RANBP2: variants seen among roughly 807,000 people sequenced by gnomAD.
RANBP2 encodes the protein RAN binding protein 2.
Under a neutral mutation model 303.6 loss-of-function variants are expected in RANBP2, and 57 were observed. The observed-to-expected ratio is 0.19, with a 90% confidence interval of 0.15 to 0.23. The LOEUF (loss-of-function observed/expected upper bound fraction) is 0.23. RANBP2 is among the 10% of genes least tolerant of loss of function. The pLI, the probability that RANBP2 is intolerant of heterozygous loss-of-function variation, is 1.00. For missense variants in RANBP2, 3,138 were observed against 3,780.8 expected (o/e 0.83, Z 4.46); for synonymous variants, 1,167 against 1,301.5 (o/e 0.90, Z 2.23).
At chr2:109,272,680 A>C in the RANBP2 span, among the ~76,000 whole-genome samples, 3 of 152,214 alleles carry the variant, frequency 2.0e-5, no homozygotes, top group Non-Finnish European at 4.4e-5. Flanking sequence ...CTGAGTTGTC[A>C]TGGAGACAAT....
At chr2:109,563,691 T>C in the RANBP2 span, among the ~76,000 whole-genome samples, 1 of 152,202 alleles carries the variant, frequency 6.6e-6, no homozygotes, top group Admixed American at 6.6e-5. Flanking sequence ...TACACTGTAA[T>C]ATGGCAAGAA....
At chr2:109,629,180 C>T in the RANBP2 span, among the ~76,000 whole-genome samples, 1 of 146,608 alleles carries the variant, frequency 6.8e-6, no homozygotes, top group Non-Finnish European at 1.5e-5. Context: ...CTGGCCTGGG[C>T]GACAGAGCAA....
chr2:109,084,104 G>A, the RANBP2 span, among the ~76,000 whole-genome samples: 12 of 152,082 alleles, frequency 7.9e-5, 1 homozygote, highest in Admixed American at 5.2e-4. Context: ...GCACAGCTTC[G>A]CCTCCCCCAA....
chr2:109,246,748 G>A, the RANBP2 span, among the ~76,000 whole-genome samples: 6 of 152,194 alleles, frequency 3.9e-5, no homozygotes, highest in East Asian at 9.6e-4. Flanking sequence ...TGGGGATGCC[G>A]GGGTGGAGAT....
the RANBP2 span, among the ~76,000 whole-genome samples, chr2:109,658,442 C>A: frequency 2.3e-4 from 34 of 149,554 alleles, no homozygotes; most frequent in African/African-American, 7.3e-4. Flanking sequence ...AAGACTCCAT[C>A]TCAAAAAAAA....
At chr2:109,565,971 G>A in the RANBP2 span, 19 of 980,824 alleles carry the variant, frequency 1.9e-5, no homozygotes, top group African/African-American at 9.6e-5. Flanking sequence ...TATTAAAATC[G>A]AATGGTCAGC....
chr2:109,484,578 G>A, the RANBP2 span, among the ~76,000 whole-genome samples: 1 of 152,052 alleles, frequency 6.6e-6, no homozygotes, highest in South Asian at 2.1e-4. Context: ...TGCCCTATCA[G>A]CTAATCAACA....
chr2:109,016,786 G>C, the RANBP2 span, among the ~76,000 whole-genome samples: 2 of 152,248 alleles, frequency 1.3e-5, no homozygotes, highest in Non-Finnish European at 2.9e-5. Context: ...ATGTGAAGCA[G>C]TGAGTTTGGG....
the RANBP2 span, among the ~76,000 whole-genome samples, chr2:108,988,092 T>A: frequency 6.6e-6 from 1 of 152,196 alleles, no homozygotes; most frequent in African/African-American, 2.4e-5. Context: ...GTACGTCTCC[T>A]CACATGCGTG....
chr2:109,584,857 T>C, the RANBP2 span, among the ~76,000 whole-genome samples: 2 of 152,236 alleles, frequency 1.3e-5, no homozygotes, highest in African/African-American at 4.8e-5. Flanking sequence ...TGAATTTGCA[T>C]GTCAGGAAAT....
intron 25 of RANBP2, 55 bp from the exon 26 acceptor site, chr2:108,781,214 A>G: frequency 6.4e-7 from 1 of 1,554,182 alleles, no homozygotes; most frequent in Non-Finnish European, 8.9e-7. Context: ...TAAGAGGGGG[A>G]TGAAAAATGT....
At chr2:109,529,026 G>A in the RANBP2 span, among the ~76,000 whole-genome samples, 5 of 152,196 alleles carry the variant, frequency 3.3e-5, no homozygotes, top group Admixed American at 1.3e-4. Flanking sequence ...CTTGTGCCAC[G>A]GGTGCTGAGT....
At chr2:109,598,569 G>A in the RANBP2 span, among the ~76,000 whole-genome samples, 2 of 152,024 alleles carry the variant, frequency 1.3e-5, no homozygotes, top group East Asian at 1.9e-4. Flanking sequence ...GAGGCCGGGC[G>A]TGGTGGCTCA....
chr2:109,367,478 C>T, the RANBP2 span, among the ~76,000 whole-genome samples: 1 of 151,692 alleles, frequency 6.6e-6, no homozygotes, highest in East Asian at 2.0e-4. Flanking sequence ...AACGGGGTTT[C>T]ACCATGTCGG....
At chr2:109,731,270 T>C in the RANBP2 span, among the ~76,000 whole-genome samples, 1 of 152,326 alleles carries the variant, frequency 6.6e-6, no homozygotes, top group East Asian at 1.9e-4. Flanking sequence ...AACTTTTGTG[T>C]ATCGGGAGTT....
At chr2:109,434,530 C>T in the RANBP2 span, among the ~76,000 whole-genome samples, 6 of 152,206 alleles carry the variant, frequency 3.9e-5, no homozygotes, top group Admixed American at 1.3e-4. Context: ...CTCTCTTAGG[C>T]GCCTCCCACC....
the RANBP2 span, among the ~76,000 whole-genome samples, chr2:108,796,903 A>T: frequency 6.6e-6 from 1 of 152,236 alleles, no homozygotes; most frequent in Non-Finnish European, 1.5e-5. Flanking sequence ...AGTATTTACT[A>T]GTACAATAGG....
chr2:109,633,127 C>T, the RANBP2 span, among the ~76,000 whole-genome samples: 5 of 152,092 alleles, frequency 3.3e-5, no homozygotes, highest in African/African-American at 1.2e-4. Context: ...CGTGGTGGCT[C>T]ACACCTGTAA....
At chr2:109,160,587 A>T in the RANBP2 span, among the ~76,000 whole-genome samples, 1 of 152,168 alleles carries the variant, frequency 6.6e-6, no homozygotes, top group East Asian at 1.9e-4. Flanking sequence ...CCAAGAGGTA[A>T]GCACATTTGT....
Sources: gnomAD v4.1 joint callset for allele counts (sites outside exome capture counted in the v4.1 genomes callset) on GRCh38, gnomAD v4.1.1 for gene constraint, MANE v1.5 for transcripts, NCBI Gene and HGNC (gene_info 2026-07-23, HGNC 2026-07-21) for gene names.